Variants in ITGAV observed in about 807,000 individuals in gnomAD.
ITGAV encodes the protein integrin alpha-V.
ITGAV carries 76 observed loss-of-function variants against 143.8 expected under a neutral mutation model. The ratio of observed to expected loss-of-function variants is 0.53; its 90% CI spans 0.44 to 0.64. The LOEUF (loss-of-function observed/expected upper bound fraction) is 0.64. Among genes scored for constraint, ITGAV ranks in the 30% least tolerant of loss-of-function variants. ITGAV has a pLI of 0.00. For synonymous variants in ITGAV, 453 were observed against 446.7 expected (o/e 1.01, Z -0.18); for missense variants, 1,193 against 1,274.7 (o/e 0.94, Z 0.98).
intron 21 of ITGAV, among the ~76,000 whole-genome samples, chr2:186,666,404 G>T (rs1045497726): frequency 6.6e-6 from 1 of 152,128 alleles, no homozygotes; most frequent in Non-Finnish European, 1.5e-5. Flanking sequence ...GTACCCAGTT[G>T]CTAGACTTTC....
At position 186,646,924 on chromosome 2, in the gene ITGAV, T is replaced by C. The variant is rs952949334; in HGVS notation, c.1351+47T>C. The C allele has an allele frequency of 3.3e-6, 4 of 1,200,182 alleles. No individual in the cohort carries two copies. In the African/African-American group the frequency reaches 6.1e-5, roughly 18 times the overall value. 74.3% of individuals were successfully genotyped at this position (1,200,182 alleles called of 1,614,324 possible). Reference sequence around the variant, plus strand: ...GAGCCCTTAGATTTTTCAGTCCTAATAGCAAATAGTATTAGTTACTGTTCT... The same window carrying C: ...GAGCCCTTAGATTTTTCAGTCCTAACAGCAAATAGTATTAGTTACTGTTCT... On this transcript the variant is annotated intron_variant, in intron 13 of 29. Transcript: ENST00000261023.
At chr2:186,601,563 ATTTAC>A (rs1415941592) in intron 1 of ITGAV, among the ~76,000 whole-genome samples, 1 of 152,094 alleles carries the variant, frequency 6.6e-6, no homozygotes, top group Non-Finnish European at 1.5e-5. Context: ...CTTTGGAATA[ATTTAC>A]TTAGAATATT....
At chr2:186,643,246 G>A (rs955227941) in intron 12 of ITGAV, among the ~76,000 whole-genome samples, 16 of 152,052 alleles carry the variant, frequency 1.1e-4, no homozygotes, top group African/African-American at 3.4e-4. Flanking sequence ...ATAATGTGTC[G>A]TCTGTCAGTA....
intron 1 of ITGAV, among the ~76,000 whole-genome samples, chr2:186,596,673 A>C (rs755808062): frequency 6.6e-6 from 1 of 152,150 alleles, no homozygotes; most frequent in Non-Finnish European, 1.5e-5. Flanking sequence ...TGCTAGGATT[A>C]CAGGCATGAG....
chr2:186,653,656 G>A (rs1391064629), intron 15 of ITGAV, among the ~76,000 whole-genome samples: 1 of 152,024 alleles, frequency 6.6e-6, no homozygotes, highest in Admixed American at 6.6e-5. Flanking sequence ...TCAAGATTTT[G>A]CTGTAAGTTT....
intron 26 of ITGAV, 52 bp from the exon 27 acceptor site, chr2:186,675,552 G>T: frequency 7.3e-7 from 1 of 1,378,414 alleles, no homozygotes; most frequent in East Asian, 2.3e-5. Flanking sequence ...TTCAAATGTT[G>T]AAGAGATGAT....
At chr2:186,599,311 C>T (rs998473361) in intron 1 of ITGAV, among the ~76,000 whole-genome samples, 3 of 152,064 alleles carry the variant, frequency 2.0e-5, no homozygotes, top group Non-Finnish European at 4.4e-5. Context: ...GTTGTTGTCC[C>T]TGAGAACTCA....
In ITGAV at chr2:186,621,996, G is replaced by T. The variant is rs185765959; in HGVS notation, c.317-343G>T. Among the ~76,000 whole-genome samples, 489 of 152,100 alleles carry T rather than the reference G, an allele frequency of 3.2e-3. 6 individuals are homozygous for T. The highest frequency in any genetic ancestry group is 0.011 in the African/African-American group (470 of 41,504). On this transcript the variant is annotated intron_variant, in intron 2 of 29. Transcript: ENST00000261023. ...TTCATAATTATCTTTATGCCCCACC[G>T]AAAGATCTTCTGGGAATAGGCGATC...
At chr2:186,636,670 G>T (rs1287898451) in intron 7 of ITGAV, among the ~76,000 whole-genome samples, 2 of 152,128 alleles carry the variant, frequency 1.3e-5, no homozygotes, top group African/African-American at 4.8e-5. Context: ...TTAAATAAAA[G>T]TTTTGGTCTT....
intron 2 of ITGAV, among the ~76,000 whole-genome samples, chr2:186,610,303 A>G (rs763364054): frequency 6.6e-6 from 1 of 152,198 alleles, no homozygotes; most frequent in African/African-American, 2.4e-5. Flanking sequence ...GTGAGCCTTC[A>G]GGAGTAAAAA....
chr2:186,608,416 A>G (rs1159336989), intron 2 of ITGAV, among the ~76,000 whole-genome samples: 1 of 152,220 alleles, frequency 6.6e-6, no homozygotes, highest in Non-Finnish European at 1.5e-5. Context: ...CCTACAAAAA[A>G]GAACAAACCT....
intron 21 of ITGAV, among the ~76,000 whole-genome samples, chr2:186,666,452 A>C (rs1270594149): frequency 6.6e-6 from 1 of 152,172 alleles, no homozygotes; most frequent in Non-Finnish European, 1.5e-5. Flanking sequence ...ACTTTTTAGA[A>C]AGATGGTTAG....
chr2:186,596,861 A>G (rs1686763518), intron 1 of ITGAV, among the ~76,000 whole-genome samples: 2 of 152,146 alleles, frequency 1.3e-5, no homozygotes, highest in Non-Finnish European at 2.9e-5. Flanking sequence ...GTTCTCTTTA[A>G]AAAACTTAAA....
At chr2:186,666,384 T>C (rs1468079721) in intron 21 of ITGAV, among the ~76,000 whole-genome samples, 2 of 152,348 alleles carry the variant, frequency 1.3e-5, no homozygotes, top group East Asian at 3.9e-4. Context: ...CTTCGTGTTA[T>C]CAAATTATTG....
chr2:186,615,825 A>G lies in ITGAV; in HGVS notation c.317-6514A>G, dbSNP rs73050268. ...GTTTTTAATTTTAATTGGCTAATAT[A>G]TCTACTCTTTTATCATTATGCTTTT... On this transcript the variant is annotated intron_variant, in intron 2 of 29. Transcript: ENST00000261023. Among the ~76,000 whole-genome samples the G allele has an allele frequency of 7.7e-3, 1,174 of 152,220 alleles. 20 individuals carry two copies. Among genetic ancestry groups the G allele is most frequent in the African/African-American group, 0.027 (1,129 of 41,556 alleles).
chr2:186,679,924 A>G lies in ITGAV; in HGVS notation c.*2632A>G, dbSNP rs200102802. 1 of 152,120 alleles carries G rather than the reference A, an allele frequency of 6.6e-6. No homozygotes were observed. The highest frequency in any genetic ancestry group is 1.5e-5 in the Non-Finnish European group (1 of 67,952). 9.4% of individuals were successfully genotyped at this position (152,120 alleles called of 1,614,324 possible). ...CTCATTAACACTTACATTTCCATAA[A>G]GAAAACTCAAGTATTAATAAAAGAG... On this transcript the variant is annotated 3_prime_UTR_variant, in exon 30 of 30. Transcript: ENST00000261023.
Position 186,590,324 on chromosome 2 carries a change from G to C in ITGAV, c.-15G>C, listed in dbSNP as rs766303973. The C allele has an allele frequency of 1.3e-6, 2 of 1,562,550 alleles. No individual in the cohort carries two copies. Among genetic ancestry groups the C allele is most frequent in the South Asian group, 2.3e-5 (2 of 85,920 alleles). On this transcript the variant is annotated 5_prime_UTR_variant, in exon 1 of 30. Transcript: ENST00000261023. ...GCTACCGCTCCCGGCTTGGCGTCCCGCGCGCACTTCGGCGATGGCTTTTCC... is the reference window on the plus strand; with the variant it reads ...GCTACCGCTCCCGGCTTGGCGTCCCCCGCGCACTTCGGCGATGGCTTTTCC...
chr2:186,646,619 C>A, intron 12 of ITGAV, 67 bp from the exon 13 acceptor site: 1 of 1,223,956 alleles, frequency 8.2e-7, no homozygotes, highest in Non-Finnish European at 1.2e-6. Flanking sequence ...CTTCCTCATT[C>A]TTCCCTTTCT....
chr2:186,593,948 AT>A (rs1381166426), intron 1 of ITGAV, among the ~76,000 whole-genome samples: 1 of 152,188 alleles, frequency 6.6e-6, no homozygotes, highest in African/African-American at 2.4e-5. Flanking sequence ...GTATTTCTTT[AT>A]TTTAAAATAA....
Sources: gnomAD v4.1 joint callset for allele counts (sites outside exome capture counted in the v4.1 genomes callset) on GRCh38, gnomAD v4.1.1 for gene constraint, MANE v1.5 for transcripts, NCBI Gene and HGNC (gene_info 2026-07-23, HGNC 2026-07-21) for gene names.